Variants in AVIL observed in about 807,000 individuals in gnomAD.
AVIL encodes the protein advillin.
Under a neutral mutation model 109.9 loss-of-function variants are expected in AVIL, and 78 were observed. The ratio of observed to expected loss-of-function variants is 0.71; its 90% CI spans 0.59 to 0.86. The LOEUF (loss-of-function observed/expected upper bound fraction) is 0.86, where lower values mean the gene tolerates loss of function less well. AVIL is among the 40% of genes least tolerant of loss of function. The pLI is 0.00. For synonymous variants in AVIL, 367 were observed against 379.1 expected (o/e 0.97, Z 0.37); for missense variants, 892 against 1,016.5 (o/e 0.88, Z 1.67).
At position 57,818,686 on chromosome 12, in the gene AVIL, T is replaced by G. The variant is rs1381377339; in HGVS notation, c.-77A>C. 1 of 152,244 alleles carries G rather than the reference T, an allele frequency of 6.6e-6. No individual in the cohort carries two copies. The highest frequency in any genetic ancestry group is 6.5e-5 in the Admixed American group (1 of 15,278). 9.4% of individuals were successfully genotyped at this position (152,244 alleles called of 1,614,324 possible). ...CCCGGCGCGTAAGCAGCAGCAGTAT[T>G]GAAGAACCACTCCAAAGCAGGAGGC... On this transcript the variant is annotated 5_prime_UTR_variant, in exon 1 of 20. Transcript: ENST00000549994.
intron 16 of AVIL, 70 bp downstream of exon 16, chr12:57,803,177 G>C: frequency 1.3e-6 from 2 of 1,583,946 alleles, no homozygotes; most frequent in Non-Finnish European, 1.7e-6. Flanking sequence ...CTAGGGTGGG[G>C]ATACTACACA....
In AVIL at chr12:57,806,534, C is replaced by T. The variant is rs1048351035; in HGVS notation, c.1497G>A (p.Gly499=). 2 of 1,613,874 alleles carry T rather than the reference C, an allele frequency of 1.2e-6. No homozygotes were observed. Among genetic ancestry groups the T allele is most frequent in the African/African-American group, 1.3e-5 (1 of 74,890 alleles). ...FKGKLVIFEG[G]TSRKGNAEPD... ...GCTCGGCATTTCCCTTCCTGGAAGT[C>T]CCACCCTAGAGAGAAGAAAAGCAGA... The change falls in exon 14 of 20, where the codon GGG becomes GGA. Residue 499 remains glycine (G), a synonymous_variant. Transcript: ENST00000549994.
At position 57,809,836 on chromosome 12, in the gene AVIL, C is replaced by A. The variant is rs1177811817; in HGVS notation, c.816G>T (p.Leu272=). ...CATCATGGTTCAGTAAGTCCTGGAC[C>A]AGAGGCCTTGTTGCTACCTCTGTGA... ...LAVTEVATRP[L]VQDLLNHDDC... The change falls in exon 8 of 20, where the codon CTG becomes CTT. Residue 272 remains leucine (L), a synonymous_variant. Coordinates refer to ENST00000549994, the MANE Select transcript of AVIL (RefSeq NM_006576.4). 1.2e-6 allele frequency: 2 copies of A among 1,614,066 alleles called. No individual in the cohort carries two copies. Among genetic ancestry groups the A allele is most frequent in the African/African-American group, 2.7e-5 (2 of 74,920 alleles).
chr12:57,809,498 G>T, intron 9 of AVIL, 99 bp downstream of exon 9: 1 of 1,379,980 alleles, frequency 7.2e-7, no homozygotes, highest in Non-Finnish European at 1.0e-6. Context: ...TAAGCACAAT[G>T]TTATATGCTC....
intron 16 of AVIL, chr12:57,802,775 C>T: frequency 1.7e-6 from 1 of 587,654 alleles, no homozygotes; most frequent in Non-Finnish European, 3.0e-6. Context: ...CCCCCCATAT[C>T]CAATGAGTCA....
intron 2 of AVIL, chr12:57,814,430 C>G (rs976443492): frequency 1.8e-6 from 1 of 566,956 alleles, no homozygotes; most frequent in African/African-American, 1.9e-5. Flanking sequence ...TGCATCACCC[C>G]GGATCTGAAC....
In AVIL at chr12:57,801,080, T is replaced by G. The variant is rs1334571710; in HGVS notation, c.2220+64A>C. ...TTTTGCCTGTGAGCATCTGTAGCAT[T>G]TGTGTGTTCTCTGGCTCTGGTTGCC... On this transcript the variant is annotated intron_variant, in intron 18 of 19. Transcript: ENST00000549994. 2.9e-6 allele frequency: 4 copies of G among 1,371,438 alleles called. No homozygotes were observed. The East Asian group carries it at 9.2e-5, about 31-fold the overall frequency. 85.0% of individuals were successfully genotyped at this position (1,371,438 alleles called of 1,614,324 possible). A position where few individuals can be genotyped will look rare whatever the true frequency, so the allele number is the denominator to read the frequency against.
chr12:57,816,183 C>G, intron 1 of AVIL, 124 bp from the exon 2 acceptor site: 1 of 725,532 alleles, frequency 1.4e-6, no homozygotes, highest in South Asian at 1.9e-5. Flanking sequence ...CATGGTGCAT[C>G]CCTGCACCAT....
chr12:57,812,720 C>T (rs947079658), intron 4 of AVIL, among the ~76,000 whole-genome samples: 1 of 91,614 alleles, frequency 1.1e-5, no homozygotes, highest in Non-Finnish European at 2.8e-5. Context: ...CTGTTTCTTA[C>T]TTTGTGTGCT....
rs780321119 is a variant in AVIL at position 57,810,333 on chromosome 12, A to C, written c.761+16T>G. 1.9e-6 allele frequency: 3 copies of C among 1,611,344 alleles called. No individual in the cohort carries two copies. Among genetic ancestry groups the C allele is most frequent in the Non-Finnish European group, 2.5e-6 (3 of 1,177,724 alleles). ...CCAACCCCAGCTTCCAGCTAAAACC[A>C]GGTTGAGCTACTCACTGATACAACA... On this transcript the variant is annotated intron_variant, in intron 7 of 19. Coordinates refer to ENST00000549994, the MANE Select transcript of AVIL (RefSeq NM_006576.4).
In AVIL at chr12:57,810,856, T is replaced by C; in HGVS notation, c.518A>G (p.Gln173Arg). ...FLLDLGKVII[Q>R]WNGPESNSGE... ...ACTGTTGCTCTCTGGGCCATTCCAT[T>C]GGATGATGACTTTCCCAAGGTCCAG... is the stretch of plus-strand genomic sequence containing the variant. Residue 173 changes from glutamine (Q) to arginine (R), a missense_variant, in exon 6 of 20, where the codon CAA becomes CGA. By Grantham distance (43) the Gln-to-Arg change is conservative. Transcript: ENST00000549994. 1 of 1,614,148 alleles carries C rather than the reference T, an allele frequency of 6.2e-7. No homozygotes were observed. The highest frequency in any genetic ancestry group is 8.5e-7 in the Non-Finnish European group (1 of 1,180,020).
At chr12:57,813,535 C>T (rs373668596) in intron 3 of AVIL, 112 bp from the exon 4 acceptor site, 10 of 1,070,940 alleles carry the variant, frequency 9.3e-6, no homozygotes, top group East Asian at 2.5e-5. Flanking sequence ...AGACTGAGGG[C>T]CCTCTCTCCT....
rs139914675 is a variant in AVIL at position 57,806,244 on chromosome 12, G to A, written c.1671+116C>T. ...GTATCATTCCAGTTTTAGTATATGT[G>A]CTGCCAAAGCAAGCACTCCAGCCTA... is the stretch of plus-strand genomic sequence containing the variant. On this transcript the variant is annotated intron_variant, in intron 14 of 19. Coordinates refer to ENST00000549994, the MANE Select transcript of AVIL (RefSeq NM_006576.4). 46 of 1,106,558 alleles carry A rather than the reference G, an allele frequency of 4.2e-5. No homozygotes were observed. The East Asian group carries it at 9.6e-4, about 23-fold the overall frequency. 68.5% of individuals were successfully genotyped at this position (1,106,558 alleles called of 1,614,324 possible). A position where few individuals can be genotyped will look rare whatever the true frequency, so the allele number is the denominator to read the frequency against.
rs749880933 is a variant in AVIL, at chr12:57,799,811, T to C, written c.2330A>G (p.Asn777Ser). The change falls in exon 19 of 20, where the codon AAC becomes AGC. Residue 777 changes from asparagine (N) to serine (S), a missense_variant. Transcript: ENST00000549994. The part of the protein sequence containing the change: ...NQNQELPEDV[N>S]PAKKENYLSE... Reference sequence around the variant, plus strand: ...GCCACTCACCTCCTTTTTGGCAGGGTTTACATCCTCAGGCAGCTCCTGATT... The same window carrying C: ...GCCACTCACCTCCTTTTTGGCAGGGCTTACATCCTCAGGCAGCTCCTGATT... The C allele has an allele frequency of 1.9e-6, 3 of 1,614,074 alleles. No homozygotes were observed. The highest frequency in any genetic ancestry group is 1.6e-4 in the Middle Eastern group (1 of 6,062).
intron 1 of AVIL, chr12:57,816,568 A>G (rs1956102963): frequency 6.6e-6 from 1 of 152,254 alleles, no homozygotes; most frequent in South Asian, 2.1e-4. Flanking sequence ...TGGCATTTGG[A>G]AAGAAAAGCT....
At chr12:57,815,431 G>A (rs1321623055) in intron 2 of AVIL, 2 of 475,166 alleles carry the variant, frequency 4.2e-6, no homozygotes, top group South Asian at 2.3e-5. Context: ...GCAGGGGTTG[G>A]GGGGAATCCT....
At chr12:57,808,739 T>A in intron 9 of AVIL, 191 bp from the exon 10 acceptor site, 1 of 635,726 alleles carries the variant, frequency 1.6e-6, no homozygotes. Context: ...GAGTGGAACA[T>A]TTTTGGATCT....
intron 3 of AVIL, 90 bp downstream of exon 3, chr12:57,814,062 A>T: frequency 7.2e-7 from 1 of 1,379,408 alleles, no homozygotes; most frequent in Non-Finnish European, 1.0e-6. Context: ...CCAGGGACTG[A>T]CTACCTTCCC....
At chr12:57,810,603 C>G in intron 6 of AVIL, 52 bp from the exon 7 acceptor site, 1 of 1,597,646 alleles carries the variant, frequency 6.3e-7, no homozygotes, top group Non-Finnish European at 8.5e-7. Context: ...CCCTTTCTGC[C>G]TGATGTCTTT....
Sources: gnomAD v4.1 joint callset for allele counts (sites outside exome capture counted in the v4.1 genomes callset) on GRCh38, gnomAD v4.1.1 for gene constraint, MANE v1.5 for transcripts, NCBI Gene and HGNC (gene_info 2026-07-23, HGNC 2026-07-21) for gene names.